Variants in ARMC6 observed in about 807,000 individuals in gnomAD.
The protein encoded by ARMC6 is armadillo repeat-containing protein 6.
ARMC6 carries 43 observed loss-of-function variants against 49.2 expected under a neutral mutation model. The observed-to-expected ratio is 0.87, with a 90% CI of 0.69 to 1.13. The LOEUF (loss-of-function observed/expected upper bound fraction) is 1.13. ARMC6 is among the 50% of genes most tolerant of loss of function. The pLI is 0.00. For missense variants in ARMC6, 627 were observed against 682.0 expected (o/e 0.92, Z 0.90); for synonymous variants, 262 against 289.6 (o/e 0.90, Z 0.97).
Position 19,057,639 on chromosome 19 carries a change from A to C in ARMC6, c.*11A>C. On this transcript the variant is annotated 3_prime_UTR_variant, in exon 9 of 9. Transcript: ENST00000535612. Reference sequence around the variant, plus strand: ...AACCTGGCGCCATGACCCCAGGCCCAGTCTGGGCCGTGACTCTGGGTGAGT... The same window carrying C: ...AACCTGGCGCCATGACCCCAGGCCCCGTCTGGGCCGTGACTCTGGGTGAGT... 6.2e-7 allele frequency: 1 copy of C among 1,610,524 alleles called. No individual in the cohort carries two copies. Among genetic ancestry groups the C allele is most frequent in the Middle Eastern group, 1.6e-4 (1 of 6,062 alleles).
At chr19:19,049,575 G>T (rs1384060079) in intron 4 of ARMC6, among the ~76,000 whole-genome samples, 2 of 152,200 alleles carry the variant, frequency 1.3e-5, no homozygotes. Context: ...AGAGTTCAGT[G>T]TCATTAAGTA....
At chr19:19,045,431 G>A (rs1052755941) in intron 4 of ARMC6, among the ~76,000 whole-genome samples, 5 of 148,364 alleles carry the variant, frequency 3.4e-5, no homozygotes, top group Non-Finnish European at 7.4e-5. Flanking sequence ...TAACAATATC[G>A]TCTATATTGT....
chr19:19,041,648 G>A (rs1222549000), intron 2 of ARMC6, among the ~76,000 whole-genome samples: 2 of 151,888 alleles, frequency 1.3e-5, no homozygotes, highest in Non-Finnish European at 2.9e-5. Context: ...TGCACCCAGC[G>A]AATTGTATTT....
rs896708033 is a variant in ARMC6, at chr19:19,042,651, C to G, written c.30-60C>G. 5 of 1,586,800 alleles carry G rather than the reference C, an allele frequency of 3.2e-6. No individual in the cohort carries two copies. In the African/African-American group the frequency reaches 5.4e-5, roughly 17 times the overall value. ...TCCTAAGTGGCGTTTTCAAGGTGGC[C>G]AGGCCCTGCCATTGCCTGCTCACCC... On this transcript the variant is annotated intron_variant, in intron 2 of 8. Transcript: ENST00000535612.
Position 19,051,801 on chromosome 19 carries a change from C to T in ARMC6, c.459C>T (p.Gly153=), listed in dbSNP as rs777604575. ...AGCTGGCCACTGCAGGTGACCAGGG[C>T]CTTCTGCTCCAGTCCCTCAATGCCC... is the stretch of plus-strand genomic sequence containing the variant. ...AWKLATAGDQ[G]LLLQSLNALS... is the part of the protein sequence containing the mutation. Residue 153 remains glycine (G), a synonymous_variant, in exon 5 of 9, where the codon GGC becomes GGT. Transcript: ENST00000535612. 2 of 1,614,054 alleles carry T rather than the reference C, an allele frequency of 1.2e-6. No homozygotes were observed.
At chr19:19,039,245 C>T (rs1013004969) in intron 2 of ARMC6, 3 of 360,922 alleles carry the variant, frequency 8.3e-6, no homozygotes, top group South Asian at 6.1e-5. Flanking sequence ...AATGATCCTC[C>T]TGCTTCAGCC....
At chr19:19,043,331 G>A (rs910872861) in intron 3 of ARMC6, among the ~76,000 whole-genome samples, 1 of 152,304 alleles carries the variant, frequency 6.6e-6, no homozygotes, top group East Asian at 1.9e-4. Flanking sequence ...AACTAGCTCC[G>A]GCAGAGACCC....
At chr19:19,042,333 CTG>C (rs1475891612) in intron 2 of ARMC6, among the ~76,000 whole-genome samples, 1 of 152,138 alleles carries the variant, frequency 6.6e-6, no homozygotes, top group Non-Finnish European at 1.5e-5. Flanking sequence ...GTAGTAAACT[CTG>C]TGTTCTCTCC....
rs573135926 is a variant in ARMC6, at chr19:19,037,754, T to C, written c.29+3516T>C. ...AAATTTAAAAAGTTGTTAACCTCTG[T>C]TAGGCTCTGGACCTAAGGCCTGTTC... is the stretch of plus-strand genomic sequence containing the variant. On this transcript the variant is annotated intron_variant, in intron 2 of 8. Coordinates refer to ENST00000535612, the MANE Select transcript of ARMC6 (RefSeq NM_001199196.2). The C allele has an allele frequency of 7.3e-5, 77 of 1,049,598 alleles. No individual in the cohort carries two copies. The South Asian group carries it at 1.3e-3, about 17-fold the overall frequency. 65.0% of individuals were successfully genotyped at this position (1,049,598 alleles called of 1,614,324 possible). A position where few individuals can be genotyped will look rare whatever the true frequency, so the allele number is the denominator to read the frequency against.
At chr19:19,044,885 T>C (rs907160079) in intron 4 of ARMC6, among the ~76,000 whole-genome samples, 20 of 152,220 alleles carry the variant, frequency 1.3e-4, no homozygotes, top group African/African-American at 4.1e-4. Flanking sequence ...GCATGACACT[T>C]ACTTCTCCCT....
chr19:19,034,259 A>G, intron 2 of ARMC6, 21 bp downstream of exon 2: 1 of 1,592,036 alleles, frequency 6.3e-7, no homozygotes, highest in South Asian at 1.1e-5. Context: ...GCAAATAATA[A>G]CAGAGTGATG....
chr19:19,034,044 A>G (rs1017760685), intron 1 of ARMC6, 87 bp from the exon 2 acceptor site: 1 of 598,444 alleles, frequency 1.7e-6, no homozygotes, highest in Admixed American at 2.9e-5. Context: ...AAAAAAATGA[A>G]AGAATTTTAC....
In ARMC6 at chr19:19,055,520, AT is replaced by A. The variant is rs748728092; in HGVS notation, c.1155+126del. ...GGCAGGGCTGGTGAGGGTCGTGGGC[AT>A]TGGCTCTCAAATGCTGACCTGCGTA... On this transcript the variant is annotated intron_variant, in intron 7 of 8. Coordinates refer to ENST00000535612, the MANE Select transcript of ARMC6 (RefSeq NM_001199196.2). The surrounding 1 kb of genome is among the most constrained non-coding windows in gnomAD (Gnocchi z 5.7). 29 of 1,382,010 alleles carry A rather than the reference AT, an allele frequency of 2.1e-5. No homozygotes were observed. Among genetic ancestry groups the A allele is most frequent in the South Asian group, 2.0e-4 (14 of 68,740 alleles). 85.6% of individuals were successfully genotyped at this position (1,382,010 alleles called of 1,614,324 possible).
At chr19:19,042,948 C>A in intron 3 of ARMC6, 71 bp downstream of exon 3, 1 of 1,568,256 alleles carries the variant, frequency 6.4e-7, no homozygotes, top group Non-Finnish European at 8.7e-7. Context: ...GCCCTGCTGC[C>A]CCGCCCCACT....
chr19:19,051,375 C>CTGTG (rs35164662), intron 4 of ARMC6, among the ~76,000 whole-genome samples: 16,254 of 139,596 alleles, frequency 0.12, 1,097 homozygotes, highest in Non-Finnish European at 0.14. Context: ...CTCTCTCTCT[C>CTGTG]TGTGTGTGTG....
chr19:19,035,157 C>T (rs1021438549), intron 2 of ARMC6, among the ~76,000 whole-genome samples: 1 of 152,192 alleles, frequency 6.6e-6, no homozygotes, highest in Non-Finnish European at 1.5e-5. Context: ...AGCCACCGTG[C>T]CCGGCCCTGG....
Position 19,055,795 on chromosome 19 carries a change from G to C in ARMC6, c.1160G>C (p.Cys387Ser). 1 of 1,570,332 alleles carries C rather than the reference G, an allele frequency of 6.4e-7. No individual in the cohort carries two copies. The change falls in exon 8 of 9, where the codon TGT becomes TCT. Residue 387 changes from cysteine (C) to serine (S), a missense_variant. Physicochemically the swap from Cys to Ser is moderately radical, Grantham distance 112. Transcript: ENST00000535612. This position sits in a 1 kb window ranked among gnomAD's most constrained non-coding sequence, Gnocchi z 5.7. Reference sequence around the variant, plus strand: ...TTCTGTGACTGGCCCCTGCAGGTGTGTGAGCAGAGCTGCGCGGCCCTGTGC... The same window carrying C: ...TTCTGTGACTGGCCCCTGCAGGTGTCTGAGCAGAGCTGCGCGGCCCTGTGC... ...MTQHLTSPQVCEQSCAALCFL... is the reference protein window; with the variant it reads ...MTQHLTSPQVSEQSCAALCFL...
chr19:19,057,940 T>C lies in ARMC6; in HGVS notation c.*312T>C. On this transcript the variant is annotated 3_prime_UTR_variant, in exon 9 of 9. Transcript: ENST00000535612. The stretch of plus-strand genomic sequence containing the variant: ...GGGCACGTCCCATCACTCACTGCCC[T>C]GTCTGAAATGTGGCAGCCACTGTGG... 2 of 448,220 alleles carry C rather than the reference T, an allele frequency of 4.5e-6. No homozygotes were observed. The highest frequency in any genetic ancestry group is 8.3e-6 in the Non-Finnish European group (2 of 239,530). The allele number at this position is 448,220 out of a possible 1,614,324, so 27.8% of individuals were successfully genotyped here.
chr19:19,040,134 T>TTTGATCATTTTGAGATTTTGA (rs2059400109), intron 2 of ARMC6, among the ~76,000 whole-genome samples: 1 of 152,182 alleles, frequency 6.6e-6, no homozygotes, highest in South Asian at 2.1e-4. Flanking sequence ...CATGATCAGA[T>TTTGATCATTTTGAGATTTTGA]TCGGGTTTGA....
Sources: allele counts gnomAD v4.1 joint callset (sites outside exome capture counted in the v4.1 genomes callset), GRCh38; gene constraint gnomAD v4.1.1; non-coding constraint Gnocchi (gnomAD v3.1); transcripts MANE v1.5; gene names NCBI Gene and HGNC (gene_info 2026-07-23, HGNC 2026-07-21).